Variants in IRGM observed in about 807,000 individuals in gnomAD.
IRGM encodes immunity related GTPase M.
For synonymous variants in IRGM, 98 were observed against 80.6 expected (o/e 1.22, Z -1.16); for missense variants, 288 against 219.9 (o/e 1.31, Z -1.96).
intron 1 of IRGM, among the ~76,000 whole-genome samples, chr5:150,870,316 C>G (rs1364216587): frequency 6.6e-6 from 1 of 151,992 alleles, no homozygotes; most frequent in Non-Finnish European, 1.5e-5. Flanking sequence ...ATTTTGGTAA[C>G]TACAAAGGGA....
intron 3 of IRGM, chr5:150,894,621 G>A (rs966560316): frequency 2.0e-5 from 3 of 152,212 alleles, no homozygotes; most frequent in Non-Finnish European, 4.4e-5. Flanking sequence ...AAGATAGAGA[G>A]TAAAGATTTA....
intron 3 of IRGM, among the ~76,000 whole-genome samples, chr5:150,888,089 G>A (rs2113296726): frequency 6.6e-6 from 1 of 152,110 alleles, no homozygotes; most frequent in Non-Finnish European, 1.5e-5. Flanking sequence ...CAAAAAAAAG[G>A]GATGGAGGGA....
intron 3 of IRGM, chr5:150,897,789 C>G (rs1215882183): frequency 2.5e-6 from 1 of 400,244 alleles, no homozygotes; most frequent in Non-Finnish European, 4.4e-6. Context: ...GGAATATTGC[C>G]TTTTAAAGCA....
chr5:150,894,574 G>A (rs1197583789), intron 3 of IRGM: 3 of 152,256 alleles, frequency 2.0e-5, no homozygotes, highest in Non-Finnish European at 2.9e-5. Context: ...AAGCTCAGAC[G>A]TGGTTTTTAC....
intron 3 of IRGM, among the ~76,000 whole-genome samples, chr5:150,899,684 A>G (rs550184765): frequency 1.3e-5 from 2 of 152,154 alleles, no homozygotes; most frequent in Admixed American, 6.6e-5. Flanking sequence ...CATAACATCA[A>G]AAATGAATTT....
chr5:150,856,901 A>G (rs1754061713), intron 1 of IRGM, among the ~76,000 whole-genome samples: 2 of 91,538 alleles, frequency 2.2e-5, no homozygotes, highest in African/African-American at 1.5e-4. Flanking sequence ...AAATATTATT[A>G]AATAAATAAA....
intron 3 of IRGM, chr5:150,879,714 G>A (rs555524529): frequency 6.6e-6 from 1 of 152,336 alleles, no homozygotes; most frequent in Non-Finnish European, 1.5e-5. Flanking sequence ...CAACAGCTAA[G>A]ATCACTTTTT....
intron 3 of IRGM, among the ~76,000 whole-genome samples, chr5:150,884,751 CT>C (rs1398663304): frequency 2.0e-5 from 3 of 152,038 alleles, no homozygotes; most frequent in African/African-American, 7.2e-5. Flanking sequence ...CATTTGTCCA[CT>C]TTTTAAATGG....
rs1267205914 is a variant in IRGM, at chr5:150,888,721, G to A, written c.*140+9075G>A. ...TGGGGTAAATAATGAAATTATGGCA[G>A]AAACCAAGAAGTTCTTTGAAACTAA... On this transcript the variant is annotated intron_variant and NMD_transcript_variant, in intron 3 of 3. Coordinates refer to the IRGM transcript ENST00000520549. Among the ~76,000 whole-genome samples the A allele has an allele frequency of 8.5e-5, 13 of 152,100 alleles. No individual in the cohort carries two copies. In the East Asian group the frequency reaches 2.3e-3, roughly 27 times the overall value.
intron 3 of IRGM, among the ~76,000 whole-genome samples, chr5:150,899,544 A>T: frequency 6.6e-6 from 1 of 152,236 alleles, no homozygotes; most frequent in East Asian, 1.9e-4. Flanking sequence ...GCTTTCTTAT[A>T]TACATACAAT....
intron 3 of IRGM, among the ~76,000 whole-genome samples, chr5:150,882,116 A>C (rs1304230000): frequency 1.3e-5 from 2 of 151,894 alleles, no homozygotes; most frequent in African/African-American, 2.4e-5. Flanking sequence ...TGGGAAGTTG[A>C]GGCTGCTGTG....
At chr5:150,885,379 G>T (rs116639480) in intron 3 of IRGM, among the ~76,000 whole-genome samples, 2,165 of 152,128 alleles carry the variant, frequency 0.014, 58 homozygotes, top group African/African-American at 0.047. Context: ...TTTTGTGTAG[G>T]ATTGCCTTGG....
At chr5:150,864,946 G>A (rs1754185832) in intron 1 of IRGM, among the ~76,000 whole-genome samples, 1 of 152,150 alleles carries the variant, frequency 6.6e-6, no homozygotes, top group Non-Finnish European at 1.5e-5. Context: ...AAAACCCCAG[G>A]ACCAGAGTTA....
chr5:150,887,908 C>T (rs1390849655), intron 3 of IRGM, among the ~76,000 whole-genome samples: 1 of 151,936 alleles, frequency 6.6e-6, no homozygotes, highest in Non-Finnish European at 1.5e-5. Flanking sequence ...ACCAACAAGC[C>T]AGCATAATAA....
chr5:150,883,655 T>G (rs1177668099), intron 3 of IRGM, among the ~76,000 whole-genome samples: 2 of 151,872 alleles, frequency 1.3e-5, no homozygotes, highest in Non-Finnish European at 2.9e-5. Flanking sequence ...GTGAATAAAT[T>G]CCTAGACACA....
chr5:150,900,836 A>G (rs910472554), downstream of IRGM: 1 of 152,128 alleles, frequency 6.6e-6, no homozygotes, highest in Admixed American at 6.5e-5. Flanking sequence ...CTGAGAGGTA[A>G]ATTCATAGAT....
chr5:150,849,262 A>T (rs550547588), downstream of IRGM, among the ~76,000 whole-genome samples: 872 of 152,366 alleles, frequency 5.7e-3, 9 homozygotes, highest in African/African-American at 0.02. Context: ...TATCCAGAGC[A>T]TGAGTAAAAA....
intron 1 of IRGM, among the ~76,000 whole-genome samples, chr5:150,860,307 T>C (rs557435311): frequency 1.3e-5 from 2 of 152,364 alleles, no homozygotes; most frequent in Non-Finnish European, 1.5e-5. Context: ...AATGCTCAAA[T>C]TGTTTTATGA....
At chr5:150,896,333 G>A (rs768880747) in intron 3 of IRGM, 30 of 1,613,324 alleles carry the variant, frequency 1.9e-5, no homozygotes, top group African/African-American at 6.7e-5. Context: ...AGGCTTTTCC[G>A]CATGCACCAC....
Sources: allele counts gnomAD v4.1 joint callset (sites outside exome capture counted in the v4.1 genomes callset), GRCh38; gene constraint gnomAD v4.1.1; transcripts MANE v1.5; gene names NCBI Gene and HGNC (gene_info 2026-07-23, HGNC 2026-07-21).